CTNND2: variants seen among roughly 807,000 people sequenced by gnomAD.
CTNND2 encodes the protein catenin delta 2, also known as catenin delta-2.
In CTNND2, 22 loss-of-function variants were observed where a neutral mutation model predicts 144.4. That is an observed-to-expected ratio of 0.15 (90% CI 0.11 to 0.22). The LOEUF (loss-of-function observed/expected upper bound fraction) is 0.22. Ranked by LOEUF, CTNND2 falls within the 10% of genes least tolerant of loss-of-function variation. The pLI is 1.00. For missense variants in CTNND2, 1,353 were observed against 1,618.8 expected, an observed-to-expected ratio of 0.84 and a Z score of 2.82; for synonymous variants, 751 against 695.6, an observed-to-expected ratio of 1.08 and a Z score of -1.25.
intron 10 of CTNND2, among the ~76,000 whole-genome samples, chr5:11,213,738 AT>A (rs1738881660): frequency 6.6e-6 from 1 of 152,126 alleles, no homozygotes; most frequent in Non-Finnish European, 1.5e-5. Flanking sequence ...CACTGCAGAA[AT>A]TCTGAAGGCT....
In CTNND2 at chr5:11,174,010, C is replaced by T. The variant is rs549511961; in HGVS notation, c.1976-14251G>A. Among the ~76,000 whole-genome samples, 11 of 152,258 alleles carry T rather than the reference C, an allele frequency of 7.2e-5. No homozygotes were observed. In the South Asian group the frequency reaches 1.7e-3, roughly 23 times the overall value. On this transcript the variant is annotated intron_variant, in intron 11 of 21. Transcript: ENST00000304623. The stretch of plus-strand genomic sequence containing the variant: ...GGGAGAAATGGCCAGCAGAGATGGA[C>T]GTGGTCAAGTCTGAGACGTAATTCA...
intron 3 of CTNND2, among the ~76,000 whole-genome samples, chr5:11,535,286 T>C (rs1357535582): frequency 6.6e-6 from 1 of 152,142 alleles, no homozygotes; most frequent in Non-Finnish European, 1.5e-5. Context: ...TTTCTCACTC[T>C]ACACAAATAT....
intron 10 of CTNND2, among the ~76,000 whole-genome samples, chr5:11,224,560 C>A (rs906441270): frequency 3.3e-5 from 5 of 152,138 alleles, no homozygotes; most frequent in African/African-American, 1.2e-4. Flanking sequence ...GTTAAAGTCA[C>A]TGCCTTCCTT....
At chr5:11,287,736 A>G (rs1162978957) in intron 9 of CTNND2, among the ~76,000 whole-genome samples, 3 of 152,342 alleles carry the variant, frequency 2.0e-5, no homozygotes, top group African/African-American at 7.2e-5. Flanking sequence ...TGAGAGCTGC[A>G]TTTAGAGTAC....
chr5:11,025,927 G>T (rs371069957), intron 16 of CTNND2, among the ~76,000 whole-genome samples: 2 of 152,188 alleles, frequency 1.3e-5, no homozygotes, highest in Non-Finnish European at 2.9e-5. Flanking sequence ...GAGGGTAAAA[G>T]AAGTTAATTC....
chr5:11,879,949 T>C (rs1037668680), intron 1 of CTNND2, among the ~76,000 whole-genome samples: 3 of 152,142 alleles, frequency 2.0e-5, no homozygotes, highest in African/African-American at 7.2e-5. Context: ...TCCAGGTTAT[T>C]TCCCTATCTC....
In CTNND2 at chr5:11,346,265, C is replaced by A. The variant is rs1465990152; in HGVS notation, c.1628+107G>T. On this transcript the variant is annotated intron_variant, in intron 9 of 21. Transcript: ENST00000304623. ...AAAAGAAAACCCAAGAAAAGCCAAC[C>A]CTTTAATAGTCAGTGACATAAATGC... The A allele has an allele frequency of 3.5e-6, 4 of 1,136,716 alleles. No individual in the cohort carries two copies. In the South Asian group the frequency reaches 1.2e-4, roughly 35 times the overall value. 70.4% of individuals were successfully genotyped at this position (1,136,716 alleles called of 1,614,324 possible). A position where few individuals can be genotyped will look rare whatever the true frequency, so the allele number is the denominator to read the frequency against.
intron 3 of CTNND2, among the ~76,000 whole-genome samples, chr5:11,554,359 G>A (rs1335795987): frequency 1.3e-5 from 2 of 152,112 alleles, no homozygotes; most frequent in Non-Finnish European, 2.9e-5. Flanking sequence ...AGACATTTAG[G>A]TGACTATTTA....
chr5:11,696,526 G>A (rs79623893), intron 2 of CTNND2, among the ~76,000 whole-genome samples: 2,032 of 152,260 alleles, frequency 0.013, 20 homozygotes, highest in East Asian at 0.058. Context: ...ACCCTAAACT[G>A]TTTAGACTAA....
chr5:11,749,880 G>A (rs1788518178), intron 1 of CTNND2, among the ~76,000 whole-genome samples: 1 of 151,924 alleles, frequency 6.6e-6, no homozygotes, highest in South Asian at 2.1e-4. Flanking sequence ...ATAGACCCTT[G>A]TATATTTAGG....
intron 8 of CTNND2, among the ~76,000 whole-genome samples, chr5:11,350,359 T>TA: frequency 6.6e-6 from 1 of 151,840 alleles, no homozygotes; most frequent in Admixed American, 6.5e-5. Flanking sequence ...CCTTGGAAAA[T>TA]AAAAAATATA....
intron 3 of CTNND2, among the ~76,000 whole-genome samples, chr5:11,514,499 T>A (rs1771980082): frequency 6.6e-6 from 1 of 152,194 alleles, no homozygotes; most frequent in Non-Finnish European, 1.5e-5. Context: ...TAAAAATCAT[T>A]TTCTGTACGT....
intron 16 of CTNND2, among the ~76,000 whole-genome samples, chr5:11,067,693 G>T (rs1281190974): frequency 1.3e-5 from 2 of 152,190 alleles, no homozygotes; most frequent in African/African-American, 4.8e-5. Flanking sequence ...ACTCCCTGGA[G>T]CCTTCCCAGA....
chr5:11,003,816 C>G (rs1309370401), intron 18 of CTNND2, among the ~76,000 whole-genome samples: 1 of 152,124 alleles, frequency 6.6e-6, no homozygotes, highest in East Asian at 1.9e-4. Context: ...CAAATAAATA[C>G]CACCTGACAT....
chr5:11,228,077 C>G (rs190651220), intron 10 of CTNND2, among the ~76,000 whole-genome samples: 34 of 151,788 alleles, frequency 2.2e-4, no homozygotes, highest in Admixed American at 6.6e-4. Context: ...CGTGATGGTT[C>G]ATGCCTGTAA....
chr5:11,591,783 ATTTC>A (rs1779254956), intron 2 of CTNND2, among the ~76,000 whole-genome samples: 3 of 151,510 alleles, frequency 2.0e-5, no homozygotes, highest in Admixed American at 1.3e-4. Context: ...TCTCTTTCTG[ATTTC>A]TTTGTTTCTT....
At chr5:11,828,687 T>C (rs1379599865) in intron 1 of CTNND2, among the ~76,000 whole-genome samples, 1 of 152,154 alleles carries the variant, frequency 6.6e-6, no homozygotes, top group Non-Finnish European at 1.5e-5. Flanking sequence ...AACCTTTTTC[T>C]TGCAAAAATT....
intron 1 of CTNND2, among the ~76,000 whole-genome samples, chr5:11,746,225 T>C (rs923441831): frequency 6.6e-6 from 1 of 152,206 alleles, no homozygotes; most frequent in Non-Finnish European, 1.5e-5. Flanking sequence ...TTCCTGCGTG[T>C]GCCAATTCAG....
chr5:11,639,755 T>C (rs976909992), intron 2 of CTNND2, among the ~76,000 whole-genome samples: 8 of 152,202 alleles, frequency 5.3e-5, no homozygotes, highest in East Asian at 3.9e-4. Flanking sequence ...TTTTAATAAG[T>C]CTAAGTTTTC....
Sources: allele counts gnomAD v4.1 joint callset (sites outside exome capture counted in the v4.1 genomes callset), GRCh38; gene constraint gnomAD v4.1.1; transcripts MANE v1.5; gene names NCBI Gene and HGNC (gene_info 2026-07-23, HGNC 2026-07-21).